The following ERBB4 variants were observed in gnomAD, a reference collection of about 807,000 sequenced individuals.
ERBB4 encodes the protein receptor tyrosine-protein kinase erbB-4.
A neutral mutation model predicts 158.0 loss-of-function variants in ERBB4; 42 were observed. The observed-to-expected ratio is 0.27, with a 90% confidence interval of 0.21 to 0.34. ERBB4 has a LOEUF of 0.34. Ranked by LOEUF, ERBB4 falls within the 10% of genes least tolerant of loss-of-function variation. The pLI is 1.00. For synonymous variants in ERBB4, 583 were observed against 558.7 expected (o/e 1.04, Z -0.61); for missense variants, 1,333 against 1,624.1 (o/e 0.82, Z 3.08).
intron 1 of ERBB4, among the ~76,000 whole-genome samples, chr2:212,371,066 A>G (rs2090068079): frequency 6.6e-6 from 1 of 152,092 alleles, no homozygotes; most frequent in Non-Finnish European, 1.5e-5. Flanking sequence ...CACAAATCTC[A>G]GCAGTTTCTC....
At chr2:212,173,001 G>T (rs2081565163) in intron 1 of ERBB4, among the ~76,000 whole-genome samples, 1 of 152,090 alleles carries the variant, frequency 6.6e-6, no homozygotes, top group South Asian at 2.1e-4. Flanking sequence ...AATGCACAAT[G>T]AAAGTCAATG....
intron 1 of ERBB4, among the ~76,000 whole-genome samples, chr2:212,500,302 T>C (rs997925346): frequency 8.5e-5 from 13 of 152,092 alleles, no homozygotes; most frequent in Non-Finnish European, 1.3e-4. Flanking sequence ...CTAGCTGTCC[T>C]AATCACCCGG....
At chr2:212,185,185 T>C (rs1480880944) in intron 1 of ERBB4, among the ~76,000 whole-genome samples, 1 of 151,850 alleles carries the variant, frequency 6.6e-6, no homozygotes, top group African/African-American at 2.4e-5. Context: ...CACATTCAGC[T>C]AAGTTTTTGT....
intron 1 of ERBB4, among the ~76,000 whole-genome samples, chr2:212,426,873 A>G (rs978756797): frequency 2.0e-5 from 3 of 152,138 alleles, no homozygotes; most frequent in Non-Finnish European, 4.4e-5. Context: ...GTACTGACAG[A>G]TACCAATAGA....
intron 1 of ERBB4, among the ~76,000 whole-genome samples, chr2:212,224,871 T>G (rs1372407827): frequency 1.3e-5 from 2 of 152,098 alleles, no homozygotes; most frequent in African/African-American, 4.8e-5. Flanking sequence ...CATTTAAATT[T>G]TAAGAATTTG....
intron 1 of ERBB4, among the ~76,000 whole-genome samples, chr2:212,352,617 C>G (rs557635262): frequency 2.0e-5 from 3 of 152,162 alleles, no homozygotes; most frequent in East Asian, 3.9e-4. Context: ...CCTGTAATCC[C>G]AGCACTTTGG....
rs996071507 is a variant in ERBB4, at chr2:211,701,872, A to G, written c.1489+95T>C. On this transcript the variant is annotated intron_variant, in intron 12 of 27. Transcript: ENST00000342788. ...TAAGGGTTGGGATAACAGAGCAACA[A>G]TTCTGACCGGATGTTATTTTTAATT... 2.4e-5 allele frequency: 23 copies of G among 940,484 alleles called. No individual in the cohort carries two copies. The African/African-American group carries it at 3.6e-4, about 15-fold the overall frequency. The allele number at this position is 940,484 out of a possible 1,614,324, so 58.3% of individuals were successfully genotyped here. A position where few individuals can be genotyped will look rare whatever the true frequency, so the allele number is the denominator to read the frequency against.
intron 20 of ERBB4, among the ~76,000 whole-genome samples, chr2:211,522,053 G>T (rs1289069872): frequency 6.6e-6 from 1 of 152,116 alleles, no homozygotes; most frequent in Non-Finnish European, 1.5e-5. Flanking sequence ...CATAGATCGA[G>T]GAGTAATTTG....
intron 4 of ERBB4, among the ~76,000 whole-genome samples, chr2:211,761,488 T>G (rs776098332): frequency 6.6e-6 from 1 of 152,174 alleles, no homozygotes; most frequent in Non-Finnish European, 1.5e-5. Context: ...AAAGCGTCCT[T>G]TAAGTAGAGC....
chr2:212,486,165 A>G (rs970911407), intron 1 of ERBB4, among the ~76,000 whole-genome samples: 2 of 151,146 alleles, frequency 1.3e-5, no homozygotes. Context: ...CAAACAAAAT[A>G]AGGGAGGTAT....
chr2:211,869,469 A>G (rs2078288091), intron 3 of ERBB4, among the ~76,000 whole-genome samples: 1 of 152,188 alleles, frequency 6.6e-6, no homozygotes, highest in Non-Finnish European at 1.5e-5. Flanking sequence ...CATAGTTGAT[A>G]TAGCATTTTA....
chr2:211,856,860 T>G (rs2077879267), intron 3 of ERBB4, among the ~76,000 whole-genome samples: 3 of 152,148 alleles, frequency 2.0e-5, no homozygotes, highest in African/African-American at 7.2e-5. Flanking sequence ...TTCAACAATA[T>G]GATAGAAAAC....
chr2:212,001,010 C>G (rs2076090586), intron 2 of ERBB4, among the ~76,000 whole-genome samples: 1 of 151,872 alleles, frequency 6.6e-6, no homozygotes, highest in Non-Finnish European at 1.5e-5. Context: ...ATGTTACAAA[C>G]ACTTAGAACT....
chr2:212,375,337 A>C (rs986218288), intron 1 of ERBB4, among the ~76,000 whole-genome samples: 1 of 152,146 alleles, frequency 6.6e-6, no homozygotes, highest in South Asian at 2.1e-4. Context: ...TCAAAGAGTT[A>C]CATGTATAAC....
At chr2:212,349,091 A>G (rs982589641) in intron 1 of ERBB4, among the ~76,000 whole-genome samples, 10 of 152,146 alleles carry the variant, frequency 6.6e-5, no homozygotes, top group Admixed American at 5.9e-4. Flanking sequence ...TGGTGACACG[A>G]ATATAGGTAT....
chr2:212,000,673 T>C (rs977916905), intron 2 of ERBB4, among the ~76,000 whole-genome samples: 5 of 151,784 alleles, frequency 3.3e-5, no homozygotes, highest in African/African-American at 1.2e-4. Context: ...TGGACTTAAA[T>C]ACCAAGTTAA....
chr2:212,085,970 G>C (rs972025934), intron 2 of ERBB4, among the ~76,000 whole-genome samples: 4 of 151,824 alleles, frequency 2.6e-5, no homozygotes, highest in African/African-American at 7.3e-5. Context: ...CATTCTTGTA[G>C]ACACCTATTG....
intron 15 of ERBB4, among the ~76,000 whole-genome samples, chr2:211,661,061 C>G (rs1221447796): frequency 6.6e-6 from 1 of 151,658 alleles, no homozygotes; most frequent in African/African-American, 2.4e-5. Context: ...CGGGGAGGGA[C>G]TGAGGGAGCA....
intron 4 of ERBB4, among the ~76,000 whole-genome samples, chr2:211,761,687 A>C (rs1447173006): frequency 6.6e-6 from 1 of 152,222 alleles, no homozygotes; most frequent in Non-Finnish European, 1.5e-5. Flanking sequence ...CATTTTAGTA[A>C]TTGGCATTTA....
Sources: allele counts gnomAD v4.1 joint callset (sites outside exome capture counted in the v4.1 genomes callset), GRCh38; gene constraint gnomAD v4.1.1; transcripts MANE v1.5; gene names NCBI Gene and HGNC (gene_info 2026-07-23, HGNC 2026-07-21).